Variants in STXBP5 observed in about 807,000 individuals in gnomAD.
STXBP5 encodes the protein syntaxin binding protein 5, also known as syntaxin-binding protein 5.
STXBP5 carries 50 observed loss-of-function variants against 152.4 expected under a neutral mutation model. That is an observed-to-expected ratio of 0.33 (90% CI 0.26 to 0.42). STXBP5 has a LOEUF of 0.42. STXBP5 is among the 10% of genes least tolerant of loss of function. The probability of loss-of-function intolerance (pLI) is 1.00; values close to 1 mark genes in which losing one functional copy is unlikely to be tolerated. For missense variants in STXBP5, 1,167 were observed against 1,388.6 expected (o/e 0.84, Z 2.54); for synonymous variants, 492 against 494.7 (o/e 0.99, Z 0.07).
intron 14 of STXBP5, among the ~76,000 whole-genome samples, chr6:147,314,971 A>G (rs1782569375): frequency 6.6e-6 from 1 of 152,166 alleles, no homozygotes. Flanking sequence ...CTAAATTTGT[A>G]TCACTAACGT....
At chr6:147,383,218 T>C (rs944569849) in intron 27 of STXBP5, among the ~76,000 whole-genome samples, 2 of 152,074 alleles carry the variant, frequency 1.3e-5, no homozygotes, top group African/African-American at 2.4e-5. Flanking sequence ...TTTGAAGGAA[T>C]CTGCCCACCT....
chr6:147,219,365 G>C (rs1156735160), intron 2 of STXBP5, among the ~76,000 whole-genome samples: 1 of 152,082 alleles, frequency 6.6e-6, no homozygotes. Context: ...TCATGAGAAG[G>C]ATTGATCTTA....
chr6:147,381,843 CAG>C (rs1232589508), intron 26 of STXBP5, among the ~76,000 whole-genome samples: 2 of 152,130 alleles, frequency 1.3e-5, no homozygotes, highest in Non-Finnish European at 2.9e-5. Context: ...TTTATGGAAA[CAG>C]AGAGTAGATT....
rs1195199395 is a variant in STXBP5 at position 147,363,691 on chromosome 6, A to G, written c.2902A>G (p.Ile968Val). The change falls in exon 24 of 28, where the codon ATA becomes GTA. Residue 968 changes from isoleucine to valine, a missense_variant. Transcript: ENST00000321680. ...CLACFCANGH[I>V]MTFSLPSLRP... The stretch of plus-strand genomic sequence containing the variant: ...TGCCTGTTTCTGTGCCAATGGACAT[A>G]TAATGACTTTTAGGTAAGAGTTAGA... 2.5e-6 allele frequency: 4 copies of G among 1,609,616 alleles called. No individual in the cohort carries two copies. The highest frequency in any genetic ancestry group is 4.5e-5 in the East Asian group (2 of 44,862).
chr6:147,349,033 A>G (rs1784470504), intron 21 of STXBP5, among the ~76,000 whole-genome samples: 2 of 152,150 alleles, frequency 1.3e-5, no homozygotes, highest in South Asian at 4.1e-4. Context: ...ATGAAAACAC[A>G]TAATTCAAAA....
At position 147,204,825 on chromosome 6, in the gene STXBP5, C is replaced by T. The variant is rs894250236; in HGVS notation, c.150+143C>T. On this transcript the variant is annotated intron_variant, in intron 1 of 27. Coordinates refer to ENST00000321680, the MANE Select transcript of STXBP5 (RefSeq NM_001127715.4). This position sits in a 1 kb window ranked among gnomAD's most constrained non-coding sequence, Gnocchi z 4.3. ...AACTCTAATAAAAGGCTCGCTCCTC[C>T]CTTGGCAAACGTTTCTTCGGTGGGT... The T allele has an allele frequency of 2.1e-6, 2 of 963,328 alleles. No homozygotes were observed. The highest frequency in any genetic ancestry group is 2.1e-5 in the South Asian group (1 of 48,548). The allele number at this position is 963,328 out of a possible 1,614,324, so 59.7% of individuals were successfully genotyped here. A position where few individuals can be genotyped will look rare whatever the true frequency, so the allele number is the denominator to read the frequency against.
chr6:147,380,173 TACACACACACACACAC>T (rs58343558), intron 26 of STXBP5, among the ~76,000 whole-genome samples: 1 of 143,052 alleles, frequency 7.0e-6, no homozygotes, highest in South Asian at 2.2e-4. Flanking sequence ...AATAGCCACG[TACACACACACACACAC>T]ACACACACAC....
At chr6:147,256,146 C>CT (rs138184062) in intron 4 of STXBP5, among the ~76,000 whole-genome samples, 4,884 of 152,286 alleles carry the variant, frequency 0.032, 74 homozygotes, top group Middle Eastern at 0.054. Flanking sequence ...TGATTACCAC[C>CT]TCTCACCACA....
At chr6:147,301,675 CCTAA>C (rs757104452) in intron 9 of STXBP5, among the ~76,000 whole-genome samples, 10 of 152,310 alleles carry the variant, frequency 6.6e-5, no homozygotes, top group Non-Finnish European at 1.2e-4. Flanking sequence ...AAATCTCACA[CCTAA>C]CTATGATAAA....
chr6:147,336,632 T>C (rs1335998509), intron 19 of STXBP5, among the ~76,000 whole-genome samples: 1 of 152,008 alleles, frequency 6.6e-6, no homozygotes, highest in Non-Finnish European at 1.5e-5. Flanking sequence ...GAGAATGATA[T>C]AAAGAGGTAA....
At chr6:147,222,784 T>C (rs912346368) in intron 2 of STXBP5, among the ~76,000 whole-genome samples, 1 of 152,240 alleles carries the variant, frequency 6.6e-6, no homozygotes, top group African/African-American at 2.4e-5. Flanking sequence ...GAGAACCTGC[T>C]CAAGCTTTAG....
intron 21 of STXBP5, among the ~76,000 whole-genome samples, chr6:147,346,676 G>T (rs1239472560): frequency 1.3e-5 from 2 of 151,974 alleles, no homozygotes; most frequent in Admixed American, 6.6e-5. Context: ...GGCGGCGGAG[G>T]TTGCAGTGAG....
intron 8 of STXBP5, among the ~76,000 whole-genome samples, chr6:147,280,230 A>G (rs1307141749): frequency 6.6e-6 from 1 of 152,126 alleles, no homozygotes; most frequent in Non-Finnish European, 1.5e-5. Flanking sequence ...ATTATAGGTC[A>G]GTTATTTTAT....
intron 4 of STXBP5, among the ~76,000 whole-genome samples, chr6:147,243,837 A>C (rs9497729): frequency 0.069 from 10,444 of 151,792 alleles, 476 homozygotes; most frequent in African/African-American, 0.12. Flanking sequence ...GTTGTTCCAG[A>C]ACCATTTGTT....
At chr6:147,281,516 T>G (rs1459251350) in intron 8 of STXBP5, among the ~76,000 whole-genome samples, 1 of 152,260 alleles carries the variant, frequency 6.6e-6, no homozygotes, top group Non-Finnish European at 1.5e-5. Context: ...TCATTACTAT[T>G]GTCTGTTGTG....
At chr6:147,218,207 C>A (rs1478929967) in intron 2 of STXBP5, among the ~76,000 whole-genome samples, 2 of 152,106 alleles carry the variant, frequency 1.3e-5, no homozygotes, top group African/African-American at 2.4e-5. Flanking sequence ...CATCCAAAGT[C>A]CATAGTTTAT....
intron 11 of STXBP5, 46 bp from the exon 12 acceptor site, chr6:147,313,838 A>G: frequency 1.6e-6 from 2 of 1,283,348 alleles, no homozygotes; most frequent in South Asian, 1.7e-5. Flanking sequence ...ATCATATGGT[A>G]TAATTCATTA....
At position 147,363,339 on chromosome 6, in the gene STXBP5, T is replaced by C; in HGVS notation, c.2550T>C (p.Thr850=). ...LQPVIVSPSG[T]ILRLKGAILR... ...TACTAGACTTCTATATTTTAGGTAC[T>C]ATATTGAGGTTAAAAGGTGCAATCT... The change falls in exon 24 of 28, where the codon ACT becomes ACC. Residue 850 remains threonine (T), a synonymous_variant. Transcript: ENST00000321680. 1 of 1,576,758 alleles carries C rather than the reference T, an allele frequency of 6.3e-7. No individual in the cohort carries two copies.
chr6:147,293,714 T>C (rs572786289), intron 9 of STXBP5, among the ~76,000 whole-genome samples: 1 of 152,346 alleles, frequency 6.6e-6, no homozygotes, highest in East Asian at 1.9e-4. Flanking sequence ...ACCTTAAAGA[T>C]ACTCTAGCCT....
Sources: allele counts gnomAD v4.1 joint callset (sites outside exome capture counted in the v4.1 genomes callset), GRCh38; gene constraint gnomAD v4.1.1; non-coding constraint Gnocchi (gnomAD v3.1); transcripts MANE v1.5; gene names NCBI Gene and HGNC (gene_info 2026-07-23, HGNC 2026-07-21).